The following NT5DC1 variants were observed in gnomAD, a reference collection of about 807,000 sequenced individuals.
The protein encoded by NT5DC1 is 5'-nucleotidase domain-containing protein 1.
Under a neutral mutation model 59.4 loss-of-function variants are expected in NT5DC1, and 42 were observed. That is an observed-to-expected ratio of 0.71 (90% confidence interval 0.55 to 0.92). The LOEUF (loss-of-function observed/expected upper bound fraction) is 0.92, where lower values mean the gene tolerates loss of function less well. NT5DC1 is among the 40% of genes least tolerant of loss of function. The pLI is 0.00. For synonymous variants in NT5DC1, 172 were observed against 188.1 expected (o/e 0.91, Z 0.70); for missense variants, 501 against 537.1 (o/e 0.93, Z 0.66).
At chr6:116,235,226 A>G (rs570087761) in intron 8 of NT5DC1, among the ~76,000 whole-genome samples, 4 of 152,266 alleles carry the variant, frequency 2.6e-5, no homozygotes, top group Non-Finnish European at 4.4e-5. Context: ...TTCATTTCCA[A>G]TTGCCATCAA....
At chr6:116,241,847 C>T (rs1269339008) in intron 11 of NT5DC1, among the ~76,000 whole-genome samples, 4 of 138,682 alleles carry the variant, frequency 2.9e-5, no homozygotes, top group African/African-American at 1.1e-4. Flanking sequence ...GGCATGAACC[C>T]GGGGGGCGGA....
At chr6:116,115,148 A>C (rs1473373004) in intron 4 of NT5DC1, among the ~76,000 whole-genome samples, 1 of 152,106 alleles carries the variant, frequency 6.6e-6, no homozygotes, top group African/African-American at 2.4e-5. Context: ...CCTGTCCTAT[A>C]CTCTACAGTT....
intron 6 of NT5DC1, among the ~76,000 whole-genome samples, chr6:116,143,321 C>G (rs1377817134): frequency 1.3e-5 from 2 of 152,108 alleles, no homozygotes; most frequent in Non-Finnish European, 2.9e-5. Context: ...AGCAATTCTC[C>G]TGCCTCAACC....
chr6:116,163,239 TTTTG>T (rs1402533068), intron 6 of NT5DC1, among the ~76,000 whole-genome samples: 1 of 149,856 alleles, frequency 6.7e-6, no homozygotes, highest in Non-Finnish European at 1.5e-5. Flanking sequence ...CTGGGTTTTT[TTTTG>T]TTGTTGTTTG....
chr6:116,240,551 G>A (rs1034178329), intron 11 of NT5DC1, among the ~76,000 whole-genome samples: 1 of 151,990 alleles, frequency 6.6e-6, no homozygotes, highest in Non-Finnish European at 1.5e-5. Flanking sequence ...CAGGAGATGA[G>A]AGAATAAGTG....
intron 6 of NT5DC1, among the ~76,000 whole-genome samples, chr6:116,193,266 G>C (rs1348176294): frequency 6.6e-6 from 1 of 152,036 alleles, no homozygotes; most frequent in Non-Finnish European, 1.5e-5. Context: ...TAAATAAGAA[G>C]TGGAGATATT....
chr6:116,115,502 TGTG>T (rs1778947076), intron 4 of NT5DC1, among the ~76,000 whole-genome samples, 186 bp from the exon 5 acceptor site: 1 of 152,252 alleles, frequency 6.6e-6, no homozygotes, highest in Non-Finnish European at 1.5e-5. Context: ...TTAACTTTCT[TGTG>T]GTGCCCTCAG....
rs78400291 is a variant in NT5DC1 at position 116,119,657 on chromosome 6, C to T, written c.529+1712C>T. ...CTCCTGGATGTTTCCTAGAAGTTCT[C>T]ATATTCATAGTTAGAAACAGGCTTT... On this transcript the variant is annotated intron_variant, in intron 6 of 11. Coordinates refer to ENST00000319550, the MANE Select transcript of NT5DC1 (RefSeq NM_152729.3). 4,516 of 177,318 alleles carry T rather than the reference C, an allele frequency of 0.025. 242 individuals carry two copies. The highest frequency in any genetic ancestry group is 0.1 in the African/African-American group (4,188 of 41,738). 11.0% of individuals were successfully genotyped at this position (177,318 alleles called of 1,614,324 possible).
At position 116,246,440 on chromosome 6, in the gene NT5DC1, A is replaced by G. The variant is rs535457393; in HGVS notation, c.*2416A>G. ...TGAAATCAAGTATTATTTCCCCACCAATATTCATATCCAAAAATAACTTTA... is the reference window on the plus strand; with the variant it reads ...TGAAATCAAGTATTATTTCCCCACCGATATTCATATCCAAAAATAACTTTA... On this transcript the variant is annotated 3_prime_UTR_variant, in exon 12 of 12. Coordinates refer to ENST00000319550, the MANE Select transcript of NT5DC1 (RefSeq NM_152729.3). The G allele has an allele frequency of 1.3e-5, 2 of 149,486 alleles. No individual in the cohort carries two copies. Among genetic ancestry groups the G allele is most frequent in the Non-Finnish European group, 3.0e-5 (2 of 67,550 alleles). The allele number at this position is 149,486 out of a possible 1,614,324, so 9.3% of individuals were successfully genotyped here.
chr6:116,110,910 A>G lies in NT5DC1; in HGVS notation c.318A>G (p.Lys106=). The G allele has an allele frequency of 1.2e-6, 2 of 1,614,128 alleles. No individual in the cohort carries two copies. Among genetic ancestry groups the G allele is most frequent in the African/African-American group, 1.3e-5 (1 of 75,076 alleles). Residue 106 remains lysine (K), a synonymous_variant, in exon 4 of 12, where the codon AAA becomes AAG. Transcript: ENST00000319550. ...TGCTGGCAGAGGCATATGGCAAGAA[A>G]GAGTGGAAGCACTTCTTGTCGGACA... ...PEVLAEAYGK[K]EWKHFLSDTG...
intron 6 of NT5DC1, among the ~76,000 whole-genome samples, chr6:116,136,551 G>T (rs73566407): frequency 1.2e-4 from 18 of 152,168 alleles, no homozygotes; most frequent in African/African-American, 4.1e-4. Context: ...CAGAACTGGG[G>T]TTTGAACCCA....
chr6:116,106,516 C>G (rs1444863495), intron 2 of NT5DC1, among the ~76,000 whole-genome samples, 181 bp downstream of exon 2: 1 of 152,084 alleles, frequency 6.6e-6, no homozygotes, highest in African/African-American at 2.4e-5. Context: ...GTGTTTTCTA[C>G]TTTAAACAAG....
intron 6 of NT5DC1, among the ~76,000 whole-genome samples, chr6:116,163,709 G>C (rs1780399226): frequency 6.6e-6 from 1 of 151,986 alleles, no homozygotes; most frequent in African/African-American, 2.4e-5. Context: ...ACATCATTTG[G>C]TTGCGAATTT....
At chr6:116,134,854 G>A (rs548833403) in intron 6 of NT5DC1, among the ~76,000 whole-genome samples, 1 of 152,262 alleles carries the variant, frequency 6.6e-6, no homozygotes, top group African/African-American at 2.4e-5. Context: ...CATGGTAGGA[G>A]GATATAGATG....
At chr6:116,140,387 T>C (rs1779737335) in intron 6 of NT5DC1, among the ~76,000 whole-genome samples, 1 of 152,188 alleles carries the variant, frequency 6.6e-6, no homozygotes, top group South Asian at 2.1e-4. Flanking sequence ...CTTACATTCC[T>C]GGTTTCCACA....
At chr6:116,119,886 T>C in intron 6 of NT5DC1, 1 of 611,358 alleles carries the variant, frequency 1.6e-6, no homozygotes, top group Non-Finnish European at 2.9e-6. Flanking sequence ...AAGAGAGGCT[T>C]CACATACGTT....
At chr6:116,240,937 A>C (rs1017774617) in intron 11 of NT5DC1, among the ~76,000 whole-genome samples, 18 of 152,326 alleles carry the variant, frequency 1.2e-4, no homozygotes, top group African/African-American at 4.3e-4. Flanking sequence ...TGAAGTCAGG[A>C]GTTTGAGACC....
chr6:116,235,731 T>C (rs143405255), intron 8 of NT5DC1, among the ~76,000 whole-genome samples: 11 of 152,358 alleles, frequency 7.2e-5, no homozygotes, highest in Middle Eastern at 3.4e-3. Flanking sequence ...AGAGATTTAA[T>C]GTTGTTGTCT....
intron 6 of NT5DC1, among the ~76,000 whole-genome samples, chr6:116,174,409 C>T (rs1202378359): frequency 6.6e-6 from 1 of 152,078 alleles, no homozygotes; most frequent in Non-Finnish European, 1.5e-5. Flanking sequence ...TTAATTCTTC[C>T]CCTCACTCCT....
Sources: allele counts gnomAD v4.1 joint callset (sites outside exome capture counted in the v4.1 genomes callset), GRCh38; gene constraint gnomAD v4.1.1; transcripts MANE v1.5; gene names NCBI Gene and HGNC (gene_info 2026-07-23, HGNC 2026-07-21).